Variants in PDZRN4 observed in about 807,000 individuals in gnomAD.
PDZRN4 encodes PDZ domain-containing RING finger protein 4.
In PDZRN4, 70 loss-of-function variants were observed where a neutral mutation model predicts 99.0. That is an observed-to-expected ratio of 0.71 (90% CI 0.58 to 0.86). The LOEUF is 0.86. PDZRN4 is among the 40% of genes least tolerant of loss of function. The pLI is 0.00. For missense variants in PDZRN4, 1,474 were observed against 1,331.2 expected, an observed-to-expected ratio of 1.11 and a Z score of -1.67; for synonymous variants, 551 against 501.6, an observed-to-expected ratio of 1.10 and a Z score of -1.32.
chr12:41,490,972 T>G (rs2120628442), intron 3 of PDZRN4, among the ~76,000 whole-genome samples: 1 of 152,258 alleles, frequency 6.6e-6, no homozygotes, highest in South Asian at 2.1e-4. Context: ...CAGAGGAGGC[T>G]TCCGTACTCT....
At chr12:41,241,126 A>AT (rs947138604) in intron 3 of PDZRN4, among the ~76,000 whole-genome samples, 2 of 151,730 alleles carry the variant, frequency 1.3e-5, no homozygotes, top group African/African-American at 2.4e-5. Context: ...CAGATTTTGG[A>AT]TTTTTTTAAT....
chr12:41,558,666 A>G (rs1939211734), intron 7 of PDZRN4, among the ~76,000 whole-genome samples: 1 of 152,218 alleles, frequency 6.6e-6, no homozygotes, highest in South Asian at 2.1e-4. Context: ...TTAATGGTCT[A>G]GATTCACTAA....
Position 41,188,683 on chromosome 12 carries a change from G to A in PDZRN4, c.228G>A (p.Lys76=), listed in dbSNP as rs1950710697. 27 of 1,559,670 alleles carry A rather than the reference G, an allele frequency of 1.7e-5. No individual in the cohort carries two copies. The highest frequency in any genetic ancestry group is 2.3e-5 in the Non-Finnish European group (27 of 1,161,518). The change falls in exon 1 of 10, where the codon AAG becomes AAA. Residue 76 remains lysine (K), a synonymous_variant. Transcript: ENST00000402685. ...RVLPLRSLIQ[K]LRVQCDYRAR... Reference sequence around the variant, plus strand: ...TGCCGCTGCGCAGCCTCATCCAGAAGCTGCGAGTCCAGTGCGACTACCGCG... The same window carrying A: ...TGCCGCTGCGCAGCCTCATCCAGAAACTGCGAGTCCAGTGCGACTACCGCG...
intron 7 of PDZRN4, among the ~76,000 whole-genome samples, chr12:41,561,275 G>A (rs953965228): frequency 2.0e-5 from 3 of 151,968 alleles, no homozygotes; most frequent in Admixed American, 1.3e-4. Context: ...TATTTAGCAC[G>A]AAAGAGTCTT....
intron 3 of PDZRN4, among the ~76,000 whole-genome samples, chr12:41,400,382 T>C (rs1952281244): frequency 1.3e-5 from 2 of 152,148 alleles, no homozygotes; most frequent in African/African-American, 4.8e-5. Flanking sequence ...CCACTAATAT[T>C]CTTCTGATGG....
At chr12:41,544,412 C>T (rs926200269) in intron 5 of PDZRN4, among the ~76,000 whole-genome samples, 6 of 152,154 alleles carry the variant, frequency 3.9e-5, no homozygotes, top group African/African-American at 9.7e-5. Flanking sequence ...CACCCAACTT[C>T]GCTTTAGCAG....
intron 3 of PDZRN4, among the ~76,000 whole-genome samples, chr12:41,227,876 T>TACACACACACAC (rs138441771): frequency 7.1e-4 from 67 of 94,226 alleles, no homozygotes; most frequent in African/African-American, 2.0e-3. Flanking sequence ...AGCAAAAATC[T>TACACACACACAC]ACACACACAC....
intron 3 of PDZRN4, among the ~76,000 whole-genome samples, chr12:41,355,841 A>G (rs1951923830): frequency 6.6e-6 from 1 of 151,988 alleles, no homozygotes; most frequent in Non-Finnish European, 1.5e-5. Context: ...ACCAGGAGAG[A>G]GTGGTTTTTT....
intron 3 of PDZRN4, among the ~76,000 whole-genome samples, chr12:41,426,634 C>T (rs2120424503): frequency 6.6e-6 from 1 of 152,250 alleles, no homozygotes; most frequent in Non-Finnish European, 1.5e-5. Context: ...TGAAAATGCA[C>T]ATCTTAATAG....
intron 3 of PDZRN4, among the ~76,000 whole-genome samples, chr12:41,457,724 T>A (rs1185054164): frequency 6.6e-6 from 1 of 152,232 alleles, no homozygotes; most frequent in Non-Finnish European, 1.5e-5. Context: ...AAGTTTAAAA[T>A]GTAGCTATTA....
At chr12:41,246,762 T>C (rs1381753921) in intron 3 of PDZRN4, among the ~76,000 whole-genome samples, 2 of 152,212 alleles carry the variant, frequency 1.3e-5, no homozygotes, top group Non-Finnish European at 2.9e-5. Flanking sequence ...TTATTCTTAA[T>C]GCCTTTGGAC....
At chr12:41,565,096 G>C (rs1189105581) in intron 8 of PDZRN4, among the ~76,000 whole-genome samples, 1 of 152,112 alleles carries the variant, frequency 6.6e-6, no homozygotes, top group African/African-American at 2.4e-5. Context: ...ATCTTTGATG[G>C]AATACATATG....
Position 41,314,700 on chromosome 12 carries a change from G to A in PDZRN4, c.843+120512G>A, listed in dbSNP as rs1368486755. On this transcript the variant is annotated intron_variant, in intron 3 of 9. Transcript: ENST00000402685. The stretch of plus-strand genomic sequence containing the variant: ...GTGGCTGAAATGTGAAGGTCTTGTC[G>A]TTTGGGTTTTTCTTGTTTTGGTTAT... 3.3e-5 allele frequency among the ~76,000 whole-genome samples: 5 copies of A among 152,126 alleles called. No individual in the cohort carries two copies. The South Asian group carries it at 6.2e-4, about 19-fold the overall frequency.
At chr12:41,290,622 T>C (rs182501814) in intron 3 of PDZRN4, among the ~76,000 whole-genome samples, 1 of 152,188 alleles carries the variant, frequency 6.6e-6, no homozygotes, top group East Asian at 1.9e-4. Context: ...ATACAAAATC[T>C]AGTATTGATA....
chr12:41,380,221 C>G (rs924687259), intron 3 of PDZRN4, among the ~76,000 whole-genome samples: 1 of 152,004 alleles, frequency 6.6e-6, no homozygotes, highest in Non-Finnish European at 1.5e-5. Flanking sequence ...CACTGTTAGA[C>G]TATTTGTGTC....
chr12:41,328,541 C>T (rs986579338), intron 3 of PDZRN4, among the ~76,000 whole-genome samples: 1 of 152,012 alleles, frequency 6.6e-6, no homozygotes. Flanking sequence ...AATATATATA[C>T]AATTGCAGAT....
At chr12:41,211,677 C>T (rs1950889553) in intron 3 of PDZRN4, among the ~76,000 whole-genome samples, 1 of 151,930 alleles carries the variant, frequency 6.6e-6, no homozygotes, top group South Asian at 2.1e-4. Flanking sequence ...GATAATTGGA[C>T]TGTTTAGGCA....
In PDZRN4 at chr12:41,288,734, A is replaced by C. The variant is rs190841676; in HGVS notation, c.843+94546A>C. On this transcript the variant is annotated intron_variant, in intron 3 of 9. Coordinates refer to ENST00000402685, the MANE Select transcript of PDZRN4 (RefSeq NM_001164595.2). ...TTGGTACTACAATGGCCGTCGGTTC[A>C]CCATGACCTCATTTATTTCAAATGG... 4.3e-3 allele frequency among the ~76,000 whole-genome samples: 658 copies of C among 152,254 alleles called. 5 individuals carry two copies. Among genetic ancestry groups the C allele is most frequent in the African/African-American group, 0.015 (641 of 41,550 alleles).
Position 41,573,392 on chromosome 12 carries a change from C to T in PDZRN4, c.2613C>T (p.Ser871=), listed in dbSNP as rs1939519532. The change falls in exon 10 of 10, where the codon AGC becomes AGT. Residue 871 remains serine (S), a synonymous_variant. Transcript: ENST00000402685. Reference sequence around the variant, plus strand: ...TCGAGTATGCTCAGAGTCAGCTCAGCTTGGTGAGCATGTGCAAGGAGTCTC... The same window carrying T: ...TCGAGTATGCTCAGAGTCAGCTCAGTTTGGTGAGCATGTGCAAGGAGTCTC... ...SAVEYAQSQL[S]LVSMCKESQK... 3.1e-6 allele frequency: 5 copies of T among 1,613,502 alleles called. No homozygotes were observed. Among genetic ancestry groups the T allele is most frequent in the Non-Finnish European group, 4.2e-6 (5 of 1,180,004 alleles).
Sources: allele counts gnomAD v4.1 joint callset (sites outside exome capture counted in the v4.1 genomes callset), GRCh38; gene constraint gnomAD v4.1.1; transcripts MANE v1.5; gene names NCBI Gene and HGNC (gene_info 2026-07-23, HGNC 2026-07-21).